ST6GALNAC3: variants seen among roughly 807,000 people sequenced by gnomAD.
The protein encoded by ST6GALNAC3 is ST6 N-acetylgalactosaminide alpha-2,6-sialyltransferase 3.
A neutral mutation model predicts 32.7 loss-of-function variants in ST6GALNAC3; 25 were observed. That is an observed-to-expected ratio of 0.76 (90% CI 0.56 to 1.07). The LOEUF (loss-of-function observed/expected upper bound fraction) is 1.07. ST6GALNAC3 is among the 50% of genes least tolerant of loss of function. ST6GALNAC3 has a pLI of 0.00. For missense variants in ST6GALNAC3, 355 were observed against 382.4 expected, an observed-to-expected ratio of 0.93 and a Z score of 0.60; for synonymous variants, 129 against 133.1, an observed-to-expected ratio of 0.97 and a Z score of 0.21.
intron 1 of ST6GALNAC3, among the ~76,000 whole-genome samples, chr1:76,181,647 C>CA (rs1226632721): frequency 2.6e-5 from 4 of 151,738 alleles, no homozygotes; most frequent in South Asian, 4.2e-4. Flanking sequence ...TTACATTAGC[C>CA]AAAAAAATAT....
intron 3 of ST6GALNAC3, among the ~76,000 whole-genome samples, chr1:76,515,203 T>A (rs188560156): frequency 6.6e-6 from 1 of 152,262 alleles, no homozygotes; most frequent in Non-Finnish European, 1.5e-5. Flanking sequence ...TCACTCATCA[T>A]TGATCTGTCC....
At chr1:76,322,731 A>T (rs539049445) in intron 2 of ST6GALNAC3, among the ~76,000 whole-genome samples, 3 of 152,278 alleles carry the variant, frequency 2.0e-5, no homozygotes, top group African/African-American at 7.2e-5. Context: ...TTTATATCAA[A>T]TGTTATCCAC....
chr1:76,597,693 G>C (rs1272070981), intron 3 of ST6GALNAC3, among the ~76,000 whole-genome samples: 1 of 152,064 alleles, frequency 6.6e-6, no homozygotes, highest in Non-Finnish European at 1.5e-5. Flanking sequence ...GCACTTCTAG[G>C]TGGCTTTTGA....
intron 1 of ST6GALNAC3, among the ~76,000 whole-genome samples, chr1:76,140,011 G>A (rs1407749815): frequency 6.6e-6 from 1 of 152,114 alleles, no homozygotes; most frequent in African/African-American, 2.4e-5. Context: ...TTTGCCAAAC[G>A]CTCATTTAGA....
At chr1:76,197,414 A>G (rs1654266610) in intron 1 of ST6GALNAC3, among the ~76,000 whole-genome samples, 1 of 150,924 alleles carries the variant, frequency 6.6e-6, no homozygotes, top group Admixed American at 6.6e-5. Flanking sequence ...CAATTATAAA[A>G]CAGTACAATG....
chr1:76,094,035 A>C (rs1647088232), intron 1 of ST6GALNAC3, among the ~76,000 whole-genome samples: 1 of 152,132 alleles, frequency 6.6e-6, no homozygotes, highest in African/African-American at 2.4e-5. Context: ...AGAACTTATG[A>C]GGCTTGGGGG....
chr1:76,202,125 C>G (rs1446754418), intron 1 of ST6GALNAC3, among the ~76,000 whole-genome samples: 1 of 151,848 alleles, frequency 6.6e-6, no homozygotes, highest in Non-Finnish European at 1.5e-5. Flanking sequence ...AAGGGTGGCA[C>G]AGAGAGAAAC....
intron 3 of ST6GALNAC3, among the ~76,000 whole-genome samples, chr1:76,514,922 T>C (rs972699139): frequency 1.3e-5 from 2 of 152,180 alleles, no homozygotes; most frequent in Non-Finnish European, 2.9e-5. Context: ...TTTGCTAGTT[T>C]CATGTTGAGA....
At position 76,234,390 on chromosome 1, in the gene ST6GALNAC3, G is replaced by A. The variant is rs567881133; in HGVS notation, c.19-79415G>A. Reference sequence around the variant, plus strand: ...GAGGAATGAGTGTTTGCATTTTAATGCCCATTCAGAGACATTTCTCAAAGG... The same window carrying A: ...GAGGAATGAGTGTTTGCATTTTAATACCCATTCAGAGACATTTCTCAAAGG... On this transcript the variant is annotated intron_variant, in intron 1 of 4. Transcript: ENST00000328299. 5.3e-5 allele frequency among the ~76,000 whole-genome samples: 8 copies of A among 152,312 alleles called. No homozygotes were observed. In the East Asian group the frequency reaches 1.4e-3, roughly 26 times the overall value.
chr1:76,389,365 T>A (rs1319101586), intron 2 of ST6GALNAC3, among the ~76,000 whole-genome samples: 1 of 152,180 alleles, frequency 6.6e-6, no homozygotes, highest in Non-Finnish European at 1.5e-5. Context: ...CCAGGGCACC[T>A]GGAGCCACAT....
intron 3 of ST6GALNAC3, among the ~76,000 whole-genome samples, chr1:76,624,762 A>C (rs1290487869): frequency 6.6e-6 from 1 of 151,858 alleles, no homozygotes; most frequent in Non-Finnish European, 1.5e-5. Flanking sequence ...GGAATCATGG[A>C]GTTCTCCCCA....
chr1:76,105,986 A>G (rs893953521), intron 1 of ST6GALNAC3, among the ~76,000 whole-genome samples: 8 of 152,182 alleles, frequency 5.3e-5, no homozygotes, highest in African/African-American at 9.7e-5. Context: ...GTCGTACCAA[A>G]CTGTGTGCAG....
intron 1 of ST6GALNAC3, among the ~76,000 whole-genome samples, chr1:76,104,933 G>A (rs974540938): frequency 3.3e-5 from 5 of 151,964 alleles, no homozygotes; most frequent in Non-Finnish European, 5.9e-5. Flanking sequence ...AAAACAACAC[G>A]GGAAAGACCT....
At chr1:76,324,609 C>T (rs191270679) in intron 2 of ST6GALNAC3, among the ~76,000 whole-genome samples, 29 of 152,154 alleles carry the variant, frequency 1.9e-4, no homozygotes, top group Admixed American at 1.6e-3. Context: ...TTATCAAAAA[C>T]GAGGAAAGTC....
chr1:76,233,277 G>C (rs1047936832), intron 1 of ST6GALNAC3, among the ~76,000 whole-genome samples: 10 of 152,138 alleles, frequency 6.6e-5, no homozygotes, highest in African/African-American at 2.4e-4. Flanking sequence ...ATGAAGACCT[G>C]CTTGTGATTG....
chr1:76,368,031 T>A (rs1347516170), intron 2 of ST6GALNAC3, among the ~76,000 whole-genome samples: 2 of 152,166 alleles, frequency 1.3e-5, no homozygotes, highest in Non-Finnish European at 2.9e-5. Context: ...TGCATAAGGC[T>A]GAAGGATATC....
chr1:76,520,368 C>T (rs1015569637), intron 3 of ST6GALNAC3, among the ~76,000 whole-genome samples: 1 of 152,072 alleles, frequency 6.6e-6, no homozygotes, highest in Non-Finnish European at 1.5e-5. Context: ...TCTCAGAATT[C>T]CCATTTTATA....
intron 3 of ST6GALNAC3, among the ~76,000 whole-genome samples, chr1:76,621,871 C>T (rs1648671598): frequency 6.6e-6 from 1 of 151,930 alleles, no homozygotes; most frequent in Admixed American, 6.6e-5. Context: ...TTTATCCTGC[C>T]AGTGTAGTAT....
intron 1 of ST6GALNAC3, among the ~76,000 whole-genome samples, chr1:76,161,247 G>A (rs1651781947): frequency 6.6e-6 from 1 of 152,240 alleles, no homozygotes; most frequent in African/African-American, 2.4e-5. Context: ...TATCACTTGA[G>A]TGTAAAGTGT....
Sources: gnomAD v4.1 joint callset for allele counts (sites outside exome capture counted in the v4.1 genomes callset) on GRCh38, gnomAD v4.1.1 for gene constraint, MANE v1.5 for transcripts, NCBI Gene and HGNC (gene_info 2026-07-23, HGNC 2026-07-21) for gene names.